Variants in POU6F2 observed in about 807,000 individuals in gnomAD.
POU6F2 encodes the protein POU class 6 homeobox 2.
In POU6F2, 31 loss-of-function variants were observed where a neutral mutation model predicts 71.3. The ratio of observed to expected loss-of-function variants is 0.43; its 90% CI spans 0.33 to 0.59. The LOEUF is 0.59. POU6F2 is among the 20% of genes least tolerant of loss of function. The pLI, the probability that POU6F2 is intolerant of heterozygous loss-of-function variation, is 0.04. For synonymous variants in POU6F2, 347 were observed against 355.7 expected (o/e 0.98, Z 0.27); for missense variants, 783 against 856.8 (o/e 0.91, Z 1.07).
At chr7:39,147,954 T>C (rs1792655890) in intron 2 of POU6F2, among the ~76,000 whole-genome samples, 3 of 152,198 alleles carry the variant, frequency 2.0e-5, no homozygotes, top group South Asian at 4.1e-4. Flanking sequence ...TCTAAAGTAG[T>C]TTTTAAATAC....
At chr7:39,074,951 C>T (rs1004908674) in intron 1 of POU6F2, among the ~76,000 whole-genome samples, 4 of 152,146 alleles carry the variant, frequency 2.6e-5, no homozygotes, top group Non-Finnish European at 5.9e-5. Flanking sequence ...CCATTTTCCT[C>T]TCGGGAAAAT....
chr7:39,326,682 T>G (rs532148336), intron 4 of POU6F2, among the ~76,000 whole-genome samples: 2 of 152,366 alleles, frequency 1.3e-5, no homozygotes, highest in East Asian at 1.9e-4. Context: ...ATTTTTTGTC[T>G]TAAAGAAGAT....
rs373380693 is a variant in POU6F2, at chr7:39,464,422, A to C, written c.1899A>C (p.Pro633=). ...TGACCGAGTTTATCGGGAGTGAACCATCCAAAAAGCGCAAGCGGCGCACCT... is the reference window on the plus strand; with the variant it reads ...TGACCGAGTTTATCGGGAGTGAACCCTCCAAAAAGCGCAAGCGGCGCACCT... The part of the protein sequence containing the change: ...QNLTEFIGSE[P]SKKRKRRTSF... The change falls in exon 10 of 10, where the codon CCA becomes CCC. Residue 633 remains proline (P), a synonymous_variant. Transcript: ENST00000518318. This position sits in a 1 kb window ranked among gnomAD's most constrained non-coding sequence, Gnocchi z 4.1. 6 of 1,613,898 alleles carry C rather than the reference A, an allele frequency of 3.7e-6. No homozygotes were observed.
At chr7:39,146,367 G>A (rs1251557009) in intron 2 of POU6F2, among the ~76,000 whole-genome samples, 5 of 152,126 alleles carry the variant, frequency 3.3e-5, no homozygotes, top group Admixed American at 6.6e-5. Flanking sequence ...GCAGGGTGAG[G>A]AACTAGGCCA....
At position 39,129,309 on chromosome 7, in the gene POU6F2, T is replaced by A. The variant is rs568280464; in HGVS notation, c.277+43278T>A. 3.3e-5 allele frequency among the ~76,000 whole-genome samples: 5 copies of A among 152,330 alleles called. No homozygotes were observed. The East Asian group carries it at 9.6e-4, about 29-fold the overall frequency. On this transcript the variant is annotated intron_variant, in intron 2 of 9. Coordinates refer to ENST00000518318, the MANE Select transcript of POU6F2 (RefSeq NM_001370959.1). Reference sequence around the variant, plus strand: ...CTGCCTATCTTGTTCACTATTGCATTCTTATTGCCTAGAAAGGTGCTTAGC... The same window carrying A: ...CTGCCTATCTTGTTCACTATTGCATACTTATTGCCTAGAAAGGTGCTTAGC...
At chr7:39,420,071 A>G (rs1787817486) in intron 6 of POU6F2, among the ~76,000 whole-genome samples, 1 of 152,244 alleles carries the variant, frequency 6.6e-6, no homozygotes, top group African/African-American at 2.4e-5. Context: ...TGCCTTCAGT[A>G]AATCTGCAAG....
intron 7 of POU6F2, among the ~76,000 whole-genome samples, chr7:39,437,425 T>C (rs1788274380): frequency 6.6e-6 from 1 of 152,230 alleles, no homozygotes; most frequent in Non-Finnish European, 1.5e-5. Flanking sequence ...GTTTATAGTG[T>C]TACCTGGTGG....
chr7:39,104,532 G>A (rs1340728929), intron 2 of POU6F2, among the ~76,000 whole-genome samples: 1 of 152,110 alleles, frequency 6.6e-6, no homozygotes, highest in Non-Finnish European at 1.5e-5. Context: ...GGGTTCCCAG[G>A]GCAAGCATGG....
intron 2 of POU6F2, among the ~76,000 whole-genome samples, chr7:39,173,518 T>C (rs1434668366): frequency 2.0e-5 from 3 of 152,370 alleles, no homozygotes; most frequent in African/African-American, 7.2e-5. Flanking sequence ...TAGCTAGTGA[T>C]CCTACTCTAA....
intron 6 of POU6F2, among the ~76,000 whole-genome samples, chr7:39,418,028 T>A (rs1787721087): frequency 6.6e-6 from 1 of 152,244 alleles, no homozygotes; most frequent in Admixed American, 6.5e-5. Flanking sequence ...TTACTTTTTC[T>A]TTACTACCAC....
At chr7:39,435,403 CAT>C (rs1299896342) in intron 7 of POU6F2, among the ~76,000 whole-genome samples, 3 of 149,194 alleles carry the variant, frequency 2.0e-5, no homozygotes, top group East Asian at 3.9e-4. Context: ...AGCTTTTTTT[CAT>C]ATGTTTGTTG....
chr7:39,227,002 G>A (rs1355217889), intron 4 of POU6F2, among the ~76,000 whole-genome samples: 1 of 152,200 alleles, frequency 6.6e-6, no homozygotes, highest in East Asian at 1.9e-4. Context: ...TTAAATATTT[G>A]ATAAAATGTA....
intron 1 of POU6F2, among the ~76,000 whole-genome samples, chr7:39,071,871 G>T (rs1487680840): frequency 2.0e-5 from 3 of 152,080 alleles, no homozygotes. Context: ...CACTAATTCG[G>T]ATTTTTCTGC....
intron 6 of POU6F2, among the ~76,000 whole-genome samples, chr7:39,419,892 C>T (rs571085839): frequency 1.3e-5 from 2 of 152,294 alleles, no homozygotes; most frequent in South Asian, 2.1e-4. Context: ...CCTAGCTTGC[C>T]TCTATGACAT....
At chr7:39,072,892 C>A (rs955828741) in intron 1 of POU6F2, among the ~76,000 whole-genome samples, 2 of 152,170 alleles carry the variant, frequency 1.3e-5, no homozygotes, top group Non-Finnish European at 2.9e-5. Context: ...TGTGCACATG[C>A]CTAATCTACA....
intron 1 of POU6F2, among the ~76,000 whole-genome samples, chr7:39,058,976 A>G (rs1000195739): frequency 6.6e-6 from 1 of 152,208 alleles, no homozygotes; most frequent in African/African-American, 2.4e-5. Context: ...TTTCTCAACA[A>G]GGTAAGAAAT....
chr7:39,323,111 T>TA (rs35837057), intron 4 of POU6F2, among the ~76,000 whole-genome samples: 18,626 of 141,858 alleles, frequency 0.13, 1,229 homozygotes, highest in Admixed American at 0.19. Flanking sequence ...CAGGAAGATT[T>TA]AAAAAAAAAA....
intron 2 of POU6F2, among the ~76,000 whole-genome samples, chr7:39,096,559 G>T (rs1180296182): frequency 6.6e-6 from 1 of 152,116 alleles, no homozygotes; most frequent in African/African-American, 2.4e-5. Flanking sequence ...CACACACTTA[G>T]GGTTTTTTAT....
At chr7:39,012,268 T>G (rs1789315319) in intron 1 of POU6F2, among the ~76,000 whole-genome samples, 1 of 152,180 alleles carries the variant, frequency 6.6e-6, no homozygotes, top group South Asian at 2.1e-4. Context: ...CTTCATTTCA[T>G]TCATTTCATC....
Sources: gnomAD v4.1 joint callset for allele counts (sites outside exome capture counted in the v4.1 genomes callset) on GRCh38, gnomAD v4.1.1 for gene constraint, Gnocchi (gnomAD v3.1) non-coding constraint, MANE v1.5 for transcripts, NCBI Gene and HGNC (gene_info 2026-07-23, HGNC 2026-07-21) for gene names.